The following FSIP1 variants were observed in gnomAD, a reference collection of about 807,000 sequenced individuals.
The protein encoded by FSIP1 is fibrous sheath interacting protein 1.
Under a neutral mutation model 60.9 loss-of-function variants are expected in FSIP1, and 65 were observed. That is an observed-to-expected ratio of 1.07 (90% CI 0.87 to 1.31). The LOEUF is 1.31. Among genes scored for constraint, FSIP1 ranks in the 40% most tolerant of loss-of-function variants. FSIP1 has a pLI of 0.00. For missense variants in FSIP1, 675 were observed against 665.5 expected, an observed-to-expected ratio of 1.01 and a Z score of -0.16; for synonymous variants, 209 against 221.2, an observed-to-expected ratio of 0.94 and a Z score of 0.49.
intron 1 of FSIP1, among the ~76,000 whole-genome samples, chr15:39,778,045 C>T (rs1351158935): frequency 6.6e-6 from 1 of 152,162 alleles, no homozygotes; most frequent in Non-Finnish European, 1.5e-5. Context: ...GTCAGCTCTT[C>T]CCATCTCAGC....
chr15:39,628,086 G>A (rs1274315267), intron 10 of FSIP1, among the ~76,000 whole-genome samples: 1 of 152,218 alleles, frequency 6.6e-6, no homozygotes, highest in Non-Finnish European at 1.5e-5. Flanking sequence ...GAGATAGGAG[G>A]CAAAGTGATG....
At chr15:39,752,302 C>A (rs933002218) in intron 5 of FSIP1, among the ~76,000 whole-genome samples, 1 of 151,968 alleles carries the variant, frequency 6.6e-6, no homozygotes, top group Non-Finnish European at 1.5e-5. Context: ...TTTTATCTCT[C>A]TTCCTATGGT....
At chr15:39,728,000 G>C (rs996695707) in intron 8 of FSIP1, among the ~76,000 whole-genome samples, 7 of 152,050 alleles carry the variant, frequency 4.6e-5, no homozygotes, top group Non-Finnish European at 8.8e-5. Context: ...CAACACCCAA[G>C]CTGAGAGCCA....
At chr15:39,704,610 C>T (rs1167118415) in intron 10 of FSIP1, among the ~76,000 whole-genome samples, 1 of 152,186 alleles carries the variant, frequency 6.6e-6, no homozygotes, top group Admixed American at 6.5e-5. Flanking sequence ...AATCATTTAG[C>T]TGCTCAAGAC....
At chr15:39,738,956 C>T (rs1896710534) in intron 7 of FSIP1, among the ~76,000 whole-genome samples, 1 of 152,240 alleles carries the variant, frequency 6.6e-6, no homozygotes, top group African/African-American at 2.4e-5. Flanking sequence ...CTTGTCAATA[C>T]TCCACACTCG....
chr15:39,740,064 G>A (rs2140639751), intron 6 of FSIP1, among the ~76,000 whole-genome samples: 1 of 152,298 alleles, frequency 6.6e-6, no homozygotes, highest in African/African-American at 2.4e-5. Context: ...AGAATGATGG[G>A]AAATATCAAT....
rs182002573 is a variant in FSIP1, at chr15:39,693,633, A to G, written c.1188+19811T>C. 2.7e-4 allele frequency among the ~76,000 whole-genome samples: 41 copies of G among 152,342 alleles called. No homozygotes were observed. The East Asian group carries it at 4.6e-3, about 17-fold the overall frequency. On this transcript the variant is annotated intron_variant, in intron 10 of 11. Coordinates refer to ENST00000350221, the MANE Select transcript of FSIP1 (RefSeq NM_152597.5). ...GAATTCATTCAAATATTGTATTTGAATATCAACTCTGCTAAGGCCCAAAAT... is the reference window on the plus strand; with the variant it reads ...GAATTCATTCAAATATTGTATTTGAGTATCAACTCTGCTAAGGCCCAAAAT...
At chr15:39,771,186 A>C (rs1897873865) in intron 2 of FSIP1, among the ~76,000 whole-genome samples, 1 of 152,106 alleles carries the variant, frequency 6.6e-6, no homozygotes, top group African/African-American at 2.4e-5. Context: ...ACAGAAAAGG[A>C]CCTCCATGGC....
chr15:39,675,527 C>T (rs1323101600), intron 10 of FSIP1, among the ~76,000 whole-genome samples: 1 of 152,040 alleles, frequency 6.6e-6, no homozygotes, highest in Non-Finnish European at 1.5e-5. Flanking sequence ...AAGGGTGCAC[C>T]ACTGCATACA....
chr15:39,667,603 C>G (rs1400832709), intron 10 of FSIP1, among the ~76,000 whole-genome samples: 1 of 152,204 alleles, frequency 6.6e-6, no homozygotes, highest in Non-Finnish European at 1.5e-5. Context: ...CTGAGGGAAA[C>G]AGACAATCAC....
At chr15:39,630,155 T>C (rs1891820253) in intron 10 of FSIP1, among the ~76,000 whole-genome samples, 1 of 152,242 alleles carries the variant, frequency 6.6e-6, no homozygotes, top group Admixed American at 6.5e-5. Flanking sequence ...AAGCTCCATA[T>C]TAATATATTT....
intron 10 of FSIP1, among the ~76,000 whole-genome samples, chr15:39,629,162 C>T (rs1309981387): frequency 6.6e-6 from 1 of 152,148 alleles, no homozygotes. Context: ...TAGCAATTCA[C>T]AATGAGTAAG....
intron 10 of FSIP1, among the ~76,000 whole-genome samples, chr15:39,632,664 G>A (rs933100077): frequency 1.3e-5 from 2 of 152,090 alleles, no homozygotes; most frequent in African/African-American, 4.8e-5. Context: ...ATGGTGACGT[G>A]TGCCTGTAAT....
intron 8 of FSIP1, among the ~76,000 whole-genome samples, chr15:39,731,481 T>G (rs1896400787): frequency 6.6e-6 from 1 of 152,242 alleles, no homozygotes; most frequent in African/African-American, 2.4e-5. Context: ...TAATAAATTT[T>G]AAGTTCTGTC....
chr15:39,775,751 T>A (rs1483845640), intron 2 of FSIP1, among the ~76,000 whole-genome samples: 4 of 152,170 alleles, frequency 2.6e-5, no homozygotes, highest in African/African-American at 9.7e-5. Context: ...ATGTGCCAGC[T>A]TCCCCTTCAC....
intron 11 of FSIP1, among the ~76,000 whole-genome samples, chr15:39,607,832 G>C (rs1237264269): frequency 6.6e-6 from 1 of 152,144 alleles, no homozygotes; most frequent in Non-Finnish European, 1.5e-5. Context: ...TTTTCTTCCT[G>C]TCTGCTTCCA....
intron 10 of FSIP1, among the ~76,000 whole-genome samples, chr15:39,698,857 G>C (rs1894936475): frequency 6.6e-6 from 1 of 152,214 alleles, no homozygotes; most frequent in Admixed American, 6.5e-5. Context: ...TACTGTATCA[G>C]TTAGGATTGC....
chr15:39,773,344 A>G (rs111604644), intron 2 of FSIP1, among the ~76,000 whole-genome samples: 3 of 152,226 alleles, frequency 2.0e-5, no homozygotes, highest in African/African-American at 7.2e-5. Flanking sequence ...ACTTTCTATG[A>G]ACTTGATTAA....
chr15:39,605,050 C>T (rs1021040334), intron 11 of FSIP1, among the ~76,000 whole-genome samples: 4 of 152,144 alleles, frequency 2.6e-5, no homozygotes, highest in African/African-American at 4.8e-5. Context: ...GTCAATCTGC[C>T]GGCAACCAGG....
Sources: allele counts gnomAD v4.1 joint callset (sites outside exome capture counted in the v4.1 genomes callset), GRCh38; gene constraint gnomAD v4.1.1; transcripts MANE v1.5; gene names NCBI Gene and HGNC (gene_info 2026-07-23, HGNC 2026-07-21).